GPC5: variants seen among roughly 807,000 people sequenced by gnomAD.
GPC5 encodes the protein glypican-5.
In GPC5, 47 loss-of-function variants were observed where a neutral mutation model predicts 53.9. The ratio of observed to expected loss-of-function variants is 0.87; its 90% CI spans 0.69 to 1.11. The LOEUF is 1.11. Among genes scored for constraint, GPC5 ranks in the 50% most tolerant of loss-of-function variants. GPC5 has a pLI of 0.00. For synonymous variants in GPC5, 286 were observed against 263.3 expected (o/e 1.09, Z -0.84); for missense variants, 748 against 713.1 (o/e 1.05, Z -0.56).
At chr13:92,136,497 T>G (rs1317432448) in intron 6 of GPC5, among the ~76,000 whole-genome samples, 2 of 152,204 alleles carry the variant, frequency 1.3e-5, no homozygotes, top group African/African-American at 4.8e-5. Flanking sequence ...CTACCTATAC[T>G]CATTATAGTA....
intron 5 of GPC5, among the ~76,000 whole-genome samples, chr13:91,772,537 AT>A (rs750052720): frequency 2.0e-5 from 3 of 152,070 alleles, no homozygotes; most frequent in African/African-American, 4.8e-5. Context: ...TTCCCTTATA[AT>A]TTTTTTATTT....
intron 7 of GPC5, among the ~76,000 whole-genome samples, chr13:92,718,830 G>A (rs1349021654): frequency 6.7e-6 from 1 of 150,314 alleles, no homozygotes; most frequent in East Asian, 2.0e-4. Context: ...GGCAGAGGTT[G>A]CAGTGAACCC....
chr13:91,951,944 T>A (rs1348904136), intron 6 of GPC5, among the ~76,000 whole-genome samples: 2 of 152,158 alleles, frequency 1.3e-5, no homozygotes, highest in Non-Finnish European at 2.9e-5. Context: ...TATGAAATTA[T>A]AAGTGCTTGA....
intron 7 of GPC5, among the ~76,000 whole-genome samples, chr13:92,665,781 G>A (rs866461721): frequency 5.8e-4 from 89 of 152,232 alleles, no homozygotes; most frequent in African/African-American, 2.1e-3. Flanking sequence ...TTAGTCAGGA[G>A]GCTTATACCA....
intron 7 of GPC5, among the ~76,000 whole-genome samples, chr13:92,602,236 ATATATATAT>A (rs1566314112): frequency 1.2e-4 from 13 of 105,174 alleles, no homozygotes; most frequent in East Asian, 5.1e-4. Context: ...TATATAACAT[ATATATATAT>A]ATATATATAT....
In GPC5 at chr13:92,144,935, G is replaced by T; in HGVS notation, c.1507G>T (p.Gly503Cys). 6.3e-7 allele frequency: 1 copy of T among 1,587,224 alleles called. No homozygotes were observed. Among genetic ancestry groups the T allele is most frequent in the East Asian group, 2.3e-5 (1 of 43,406 alleles). Residue 503 changes from glycine to cysteine, a missense_variant, in exon 7 of 8, where the codon GGT (glycine) becomes TGT (cysteine). Physicochemically the swap from Gly to Cys is radical, Grantham distance 159. Coordinates refer to ENST00000377067, the MANE Select transcript of GPC5 (RefSeq NM_004466.6). Reference sequence around the variant, plus strand: ...CAGTGGGGACTGTGATGATGAAGATGGTTGCGGGGGATCAGGAAGTGGAGA... The same window carrying T: ...CAGTGGGGACTGTGATGATGAAGATTGTTGCGGGGGATCAGGAAGTGGAGA... ...QVSGDCDDED[G>C]CGGSGSGEVK...
At chr13:92,121,292 T>C (rs1312310623) in intron 6 of GPC5, among the ~76,000 whole-genome samples, 1 of 152,060 alleles carries the variant, frequency 6.6e-6, no homozygotes, top group Non-Finnish European at 1.5e-5. Flanking sequence ...TTTGTGGGGG[T>C]TGGGTGAAAG....
chr13:91,970,342 T>G (rs2040229798), intron 6 of GPC5, among the ~76,000 whole-genome samples: 1 of 151,512 alleles, frequency 6.6e-6, no homozygotes, highest in South Asian at 2.1e-4. Flanking sequence ...AGTTATAACA[T>G]GAATAAGTTC....
intron 7 of GPC5, among the ~76,000 whole-genome samples, chr13:92,550,899 G>GTTTA (rs929381436): frequency 4.6e-5 from 7 of 151,846 alleles, no homozygotes; most frequent in Admixed American, 6.6e-5. Context: ...TGGTTTGTTT[G>GTTTA]TTTATTTTTA....
chr13:91,624,059 C>T (rs1200154333), intron 2 of GPC5, among the ~76,000 whole-genome samples: 3 of 151,894 alleles, frequency 2.0e-5, no homozygotes, highest in Non-Finnish European at 4.4e-5. Context: ...AAAGAGTGAA[C>T]GATTAGCAGT....
In GPC5 at chr13:91,631,831, C is replaced by T. The variant is rs1311687105; in HGVS notation, c.326-61356C>T. 5.9e-5 allele frequency among the ~76,000 whole-genome samples: 9 copies of T among 151,966 alleles called. No individual in the cohort carries two copies. In the East Asian group the frequency reaches 1.7e-3, roughly 29 times the overall value. On this transcript the variant is annotated intron_variant, in intron 2 of 7. Transcript: ENST00000377067. ...AAGGGAGGAAAACAGGCTGATTAAGCTGAAGGAAGAAAGAGATTTTTATTA... is the reference window on the plus strand; with the variant it reads ...AAGGGAGGAAAACAGGCTGATTAAGTTGAAGGAAGAAAGAGATTTTTATTA...
chr13:92,245,853 C>A (rs537677044), intron 7 of GPC5, among the ~76,000 whole-genome samples: 4 of 152,080 alleles, frequency 2.6e-5, no homozygotes, highest in African/African-American at 4.8e-5. Context: ...ATTTTAACAT[C>A]TTTTTGTGGA....
At chr13:91,856,702 A>G (rs955636814) in intron 5 of GPC5, among the ~76,000 whole-genome samples, 20 of 151,232 alleles carry the variant, frequency 1.3e-4, no homozygotes, top group Non-Finnish European at 2.7e-4. Flanking sequence ...AGGTATATGT[A>G]TCTTGAATAT....
intron 1 of GPC5, among the ~76,000 whole-genome samples, chr13:91,434,862 T>C (rs1165136122): frequency 6.6e-6 from 1 of 152,218 alleles, no homozygotes; most frequent in Non-Finnish European, 1.5e-5. Flanking sequence ...TTTTATTTTA[T>C]TGAGCAGTGG....
At chr13:92,087,458 A>C (rs1004415864) in intron 6 of GPC5, among the ~76,000 whole-genome samples, 1 of 152,216 alleles carries the variant, frequency 6.6e-6, no homozygotes, top group Non-Finnish European at 1.5e-5. Flanking sequence ...TTATCTTCCC[A>C]AATAAATGCC....
chr13:91,806,030 T>C (rs1181615250), intron 5 of GPC5, among the ~76,000 whole-genome samples: 1 of 130,726 alleles, frequency 7.6e-6, no homozygotes, highest in East Asian at 2.2e-4. Context: ...AATTTTTTTT[T>C]TTTTTTTTTT....
At chr13:92,649,303 G>A (rs1228075893) in intron 7 of GPC5, among the ~76,000 whole-genome samples, 2 of 152,050 alleles carry the variant, frequency 1.3e-5, no homozygotes, top group Non-Finnish European at 2.9e-5. Flanking sequence ...TCCCCTATAA[G>A]CTCTCTTCAA....
intron 7 of GPC5, among the ~76,000 whole-genome samples, chr13:92,650,467 T>A (rs560818042): frequency 2.6e-5 from 4 of 152,262 alleles, no homozygotes; most frequent in African/African-American, 7.2e-5. Flanking sequence ...TTACCAATTT[T>A]AGCTCAAATT....
chr13:92,312,341 A>G (rs2043150714), intron 7 of GPC5, among the ~76,000 whole-genome samples: 1 of 152,146 alleles, frequency 6.6e-6, no homozygotes, highest in African/African-American at 2.4e-5. Flanking sequence ...GGGGGAAAAA[A>G]AACAAGTTAT....
Sources: allele counts gnomAD v4.1 joint callset (sites outside exome capture counted in the v4.1 genomes callset), GRCh38; gene constraint gnomAD v4.1.1; transcripts MANE v1.5; gene names NCBI Gene and HGNC (gene_info 2026-07-23, HGNC 2026-07-21).